Variants in DOCK3 observed in about 807,000 individuals in gnomAD.
DOCK3 encodes the protein dedicator of cytokinesis 3, also known as dedicator of cytokinesis protein 3.
Under a neutral mutation model 265.6 loss-of-function variants are expected in DOCK3, and 60 were observed. The observed-to-expected ratio is 0.23, with a 90% CI of 0.18 to 0.28. The LOEUF (loss-of-function observed/expected upper bound fraction) is 0.28, where lower values mean the gene tolerates loss of function less well. Among genes scored for constraint, DOCK3 ranks in the 10% least tolerant of loss-of-function variants. The pLI is 1.00. For synonymous variants in DOCK3, 881 were observed against 938.0 expected (o/e 0.94, Z 1.11); for missense variants, 1,981 against 2,594.3 (o/e 0.76, Z 5.14).
chr3:50,878,463 A>T (rs2047834704), intron 3 of DOCK3, among the ~76,000 whole-genome samples: 1 of 152,228 alleles, frequency 6.6e-6, no homozygotes, highest in Non-Finnish European at 1.5e-5. Context: ...AAACCATGGC[A>T]CGAGAACGAT....
At chr3:51,127,989 C>T (rs1376673654) in intron 9 of DOCK3, among the ~76,000 whole-genome samples, 1 of 152,130 alleles carries the variant, frequency 6.6e-6, no homozygotes, top group Non-Finnish European at 1.5e-5. Flanking sequence ...CTTGATAGTC[C>T]AGGTCAGTCA....
intron 10 of DOCK3, among the ~76,000 whole-genome samples, chr3:51,156,815 T>C (rs764375328): frequency 9.8e-5 from 15 of 152,308 alleles, no homozygotes; most frequent in Non-Finnish European, 1.9e-4. Context: ...CATAGGTACA[T>C]TGGAGTCAGT....
In DOCK3 at chr3:50,914,217, C is replaced by T. The variant is rs372030148; in HGVS notation, c.219-19764C>T. ...TTATTTCGGCTCTATAGTTTATTTT[C>T]TTATGTTAACTTTAGGTTTGGTTTG... On this transcript the variant is annotated intron_variant, in intron 4 of 52. Coordinates refer to ENST00000266037, the MANE Select transcript of DOCK3 (RefSeq NM_004947.5). Among the ~76,000 whole-genome samples the T allele has an allele frequency of 1.1e-3, 162 of 149,612 alleles. 1 individual carries two copies. The Middle Eastern group carries it at 0.041, about 38-fold the overall frequency.
chr3:50,935,379 G>A (rs745892679), intron 5 of DOCK3, among the ~76,000 whole-genome samples: 18 of 152,100 alleles, frequency 1.2e-4, no homozygotes, highest in Non-Finnish European at 2.6e-4. Flanking sequence ...GAATGAACTG[G>A]AAAAATCTGG....
intron 27 of DOCK3, among the ~76,000 whole-genome samples, chr3:51,306,340 A>T (rs2082689561): frequency 6.6e-6 from 1 of 151,950 alleles, no homozygotes; most frequent in African/African-American, 2.4e-5. Context: ...TGCTTTCAAG[A>T]TTCTCTTTAT....
At position 50,773,253 on chromosome 3, in the gene DOCK3, ACTC is replaced by A. The variant is rs563441125; in HGVS notation, c.38-5419_38-5417del. Among the ~76,000 whole-genome samples the A allele has an allele frequency of 1.9e-3, 294 of 152,138 alleles. 3 individuals are homozygous for A. The highest frequency in any genetic ancestry group is 7.9e-3 in the South Asian group (38 of 4,824). On this transcript the variant is annotated intron_variant, in intron 1 of 52. Coordinates refer to ENST00000266037, the MANE Select transcript of DOCK3 (RefSeq NM_004947.5). ...TTCACATGCAGAAGAATTAAACTAGACTCCTATCTCTTACCATTTACAAGAATC... is the reference window on the plus strand; with the variant it reads ...TTCACATGCAGAAGAATTAAACTAGACTATCTCTTACCATTTACAAGAATC...
At chr3:50,882,375 A>C (rs1001457320) in intron 3 of DOCK3, among the ~76,000 whole-genome samples, 1 of 152,200 alleles carries the variant, frequency 6.6e-6, no homozygotes, top group African/African-American at 2.4e-5. Flanking sequence ...CATCTGACAA[A>C]GGGCTAATAT....
intron 12 of DOCK3, among the ~76,000 whole-genome samples, chr3:51,160,933 A>G (rs1325645951): frequency 1.3e-5 from 2 of 151,990 alleles, no homozygotes; most frequent in Admixed American, 6.5e-5. Flanking sequence ...AAAATTAGCC[A>G]GGCGTGGTGG....
At chr3:51,352,144 A>G (rs902838563) in intron 40 of DOCK3, among the ~76,000 whole-genome samples, 24 of 152,232 alleles carry the variant, frequency 1.6e-4, no homozygotes, top group Admixed American at 1.1e-3. Context: ...AACCAAAAGC[A>G]TTTCCAGAAA....
At chr3:51,105,634 A>C (rs2083252290) in intron 9 of DOCK3, among the ~76,000 whole-genome samples, 1 of 152,214 alleles carries the variant, frequency 6.6e-6, no homozygotes, top group African/African-American at 2.4e-5. Flanking sequence ...TCTTGAAAGC[A>C]TTATGTTGTG....
At chr3:50,759,059 G>C (rs946438308) in intron 1 of DOCK3, among the ~76,000 whole-genome samples, 1 of 152,160 alleles carries the variant, frequency 6.6e-6, no homozygotes, top group South Asian at 2.1e-4. Flanking sequence ...GTATATAATC[G>C]TGCTAGAACA....
chr3:50,712,223 T>C (rs2036819354), intron 1 of DOCK3, among the ~76,000 whole-genome samples: 1 of 152,240 alleles, frequency 6.6e-6, no homozygotes, highest in South Asian at 2.1e-4. Context: ...TATTCTTTTT[T>C]CCAGTTTCTT....
chr3:51,304,223 G>C (rs1266737666), intron 27 of DOCK3, among the ~76,000 whole-genome samples: 1 of 152,064 alleles, frequency 6.6e-6, no homozygotes, highest in Non-Finnish European at 1.5e-5. Context: ...TGGCAGTTTG[G>C]ATCCAAACCG....
chr3:51,089,163 C>T lies in DOCK3; in HGVS notation c.550-80C>T, dbSNP rs577257345. The T allele has an allele frequency of 2.1e-6, 3 of 1,430,328 alleles. No individual in the cohort carries two copies. The South Asian group carries it at 3.8e-5, about 18-fold the overall frequency. 88.6% of individuals were successfully genotyped at this position (1,430,328 alleles called of 1,614,324 possible). A position where few individuals can be genotyped will look rare whatever the true frequency, so the allele number is the denominator to read the frequency against. On this transcript the variant is annotated intron_variant, in intron 7 of 52. Coordinates refer to ENST00000266037, the MANE Select transcript of DOCK3 (RefSeq NM_004947.5). ...TCATGAATATAAAAGGCATAGCAGACTGCCCAGCATATAGAAAGTTCTTAA... is the reference window on the plus strand; with the variant it reads ...TCATGAATATAAAAGGCATAGCAGATTGCCCAGCATATAGAAAGTTCTTAA...
At chr3:51,284,429 T>C (rs1163165587) in intron 27 of DOCK3, among the ~76,000 whole-genome samples, 1 of 152,124 alleles carries the variant, frequency 6.6e-6, no homozygotes, top group Non-Finnish European at 1.5e-5. Context: ...CTAAACCTCT[T>C]AGTTCTAGGA....
At chr3:51,260,070 C>T in intron 22 of DOCK3, 86 bp from the exon 23 acceptor site, 1 of 1,343,226 alleles carries the variant, frequency 7.4e-7, no homozygotes. Context: ...ATAGAAACTG[C>T]TGTTACTTTG....
At chr3:50,686,186 A>T (rs139244885) in intron 1 of DOCK3, among the ~76,000 whole-genome samples, 1 of 151,968 alleles carries the variant, frequency 6.6e-6, no homozygotes, top group East Asian at 1.9e-4. Flanking sequence ...TCTGGGGGTG[A>T]CGGAAGGCAG....
chr3:51,182,205 T>A (rs2087339911), intron 12 of DOCK3, among the ~76,000 whole-genome samples: 1 of 152,132 alleles, frequency 6.6e-6, no homozygotes, highest in East Asian at 1.9e-4. Flanking sequence ...ATATTATAGG[T>A]TGTATGACCT....
intron 5 of DOCK3, among the ~76,000 whole-genome samples, chr3:51,045,405 G>C (rs2080731311): frequency 6.6e-6 from 1 of 152,048 alleles, no homozygotes; most frequent in Non-Finnish European, 1.5e-5. Context: ...AGTAACATCA[G>C]AGATCACTGA....
Sources: allele counts gnomAD v4.1 joint callset (sites outside exome capture counted in the v4.1 genomes callset), GRCh38; gene constraint gnomAD v4.1.1; transcripts MANE v1.5; gene names NCBI Gene and HGNC (gene_info 2026-07-23, HGNC 2026-07-21).